NAALADL2: variants seen among roughly 807,000 people sequenced by gnomAD.
The protein encoded by NAALADL2 is inactive N-acetylated-alpha-linked acidic dipeptidase-like protein 2.
A neutral mutation model predicts 87.2 loss-of-function variants in NAALADL2; 76 were observed. The observed-to-expected ratio is 0.87, with a 90% confidence interval of 0.72 to 1.05. The LOEUF is 1.05. Among genes scored for constraint, NAALADL2 ranks in the 50% least tolerant of loss-of-function variants. The pLI, the probability that NAALADL2 is intolerant of heterozygous loss-of-function variation, is 0.00. For synonymous variants in NAALADL2, 354 were observed against 331.0 expected (o/e 1.07, Z -0.75); for missense variants, 1,089 against 945.8 (o/e 1.15, Z -1.99).
intron 10 of NAALADL2, among the ~76,000 whole-genome samples, chr3:175,591,819 T>G (rs970515793): frequency 9.5e-6 from 1 of 105,140 alleles, no homozygotes; most frequent in African/African-American, 3.1e-5. Flanking sequence ...TATATATATA[T>G]ATATATATGT....
At chr3:175,071,638 G>C (rs1190099314) in intron 1 of NAALADL2, among the ~76,000 whole-genome samples, 2 of 152,000 alleles carry the variant, frequency 1.3e-5, no homozygotes, top group Admixed American at 1.3e-4. Context: ...CAATTAATTG[G>C]TTGTATCAGT....
intron 1 of NAALADL2, among the ~76,000 whole-genome samples, chr3:175,033,969 C>A (rs936290874): frequency 2.6e-5 from 4 of 152,142 alleles, no homozygotes; most frequent in Admixed American, 1.3e-4. Context: ...ACGTATGAAG[C>A]CTCACCACTG....
intron 5 of NAALADL2, among the ~76,000 whole-genome samples, chr3:175,417,015 T>G (rs1056480924): frequency 6.6e-6 from 1 of 151,282 alleles, no homozygotes; most frequent in Non-Finnish European, 1.5e-5. Flanking sequence ...ACTAAGCAAT[T>G]GTTTATGATA....
At chr3:174,994,940 A>G (rs1008794296) in intron 1 of NAALADL2, among the ~76,000 whole-genome samples, 2 of 152,186 alleles carry the variant, frequency 1.3e-5, no homozygotes, top group Non-Finnish European at 2.9e-5. Flanking sequence ...AGCACGATAT[A>G]AAAGTTGTTT....
At chr3:175,506,287 C>T (rs1299370813) in intron 9 of NAALADL2, among the ~76,000 whole-genome samples, 3 of 152,220 alleles carry the variant, frequency 2.0e-5, no homozygotes, top group Non-Finnish European at 4.4e-5. Context: ...TTGCACTACA[C>T]ATGCATCATC....
At chr3:174,621,103 T>C (rs1005514979) in intron 2 of NAALADL2, among the ~76,000 whole-genome samples, 3 of 152,070 alleles carry the variant, frequency 2.0e-5, no homozygotes, top group African/African-American at 7.2e-5. Context: ...ACTGTAAATC[T>C]GAGGGAGAGA....
chr3:174,853,423 A>G (rs1257388538), intron 3 of NAALADL2, among the ~76,000 whole-genome samples: 1 of 151,198 alleles, frequency 6.6e-6, no homozygotes, highest in Non-Finnish European at 1.5e-5. Flanking sequence ...ACCTTAAACC[A>G]TGAAATTGCA....
chr3:174,646,704 G>T (rs1723821397), intron 2 of NAALADL2, among the ~76,000 whole-genome samples: 1 of 151,930 alleles, frequency 6.6e-6, no homozygotes, highest in Admixed American at 6.5e-5. Context: ...AAAATTAATT[G>T]TCTTTAAAAT....
chr3:175,032,686 C>G (rs984674758), intron 1 of NAALADL2, among the ~76,000 whole-genome samples: 1 of 151,896 alleles, frequency 6.6e-6, no homozygotes, highest in Non-Finnish European at 1.5e-5. Context: ...AAAGGTTTTC[C>G]TGACTACAAA....
chr3:175,546,618 G>T (rs1048513199), intron 9 of NAALADL2, among the ~76,000 whole-genome samples: 1 of 152,020 alleles, frequency 6.6e-6, no homozygotes, highest in Non-Finnish European at 1.5e-5. Context: ...TGTTTGAAAA[G>T]GATCTTATTT....
At chr3:175,457,503 T>C (rs1722493419) in intron 6 of NAALADL2, among the ~76,000 whole-genome samples, 1 of 152,124 alleles carries the variant, frequency 6.6e-6, no homozygotes, top group Non-Finnish European at 1.5e-5. Flanking sequence ...TCTATGATGA[T>C]GCCAATGGTG....
intron 2 of NAALADL2, among the ~76,000 whole-genome samples, chr3:174,694,064 G>T (rs984881013): frequency 1.3e-5 from 2 of 152,062 alleles, no homozygotes; most frequent in African/African-American, 4.8e-5. Flanking sequence ...CTGCAAATTG[G>T]TTATCTTTGC....
chr3:175,736,164 A>G (rs1056707175), intron 11 of NAALADL2, among the ~76,000 whole-genome samples: 1 of 152,192 alleles, frequency 6.6e-6, no homozygotes, highest in African/African-American at 2.4e-5. Flanking sequence ...TGTTCAGCCT[A>G]TTAAGCAGAT....
At chr3:174,867,478 A>G (rs1038798514) in intron 1 of NAALADL2, among the ~76,000 whole-genome samples, 3 of 151,918 alleles carry the variant, frequency 2.0e-5, no homozygotes, top group Non-Finnish European at 1.5e-5. Context: ...TTTATTGTCT[A>G]TTTCACTGCA....
At chr3:174,923,411 G>C (rs1030631552) in intron 1 of NAALADL2, among the ~76,000 whole-genome samples, 9 of 151,750 alleles carry the variant, frequency 5.9e-5, no homozygotes, top group Non-Finnish European at 1.2e-4. Flanking sequence ...TATGGAGAAG[G>C]GACAGTATTC....
chr3:175,562,846 T>C (rs1358876144), intron 9 of NAALADL2, among the ~76,000 whole-genome samples: 1 of 152,056 alleles, frequency 6.6e-6, no homozygotes, highest in Non-Finnish European at 1.5e-5. Context: ...GAATATAATA[T>C]TGGAAAGATT....
In NAALADL2 at chr3:174,847,193, A is replaced by G. The variant is rs145003094; in HGVS notation, c.-9+109447A>G. Among the ~76,000 whole-genome samples the G allele has an allele frequency of 3.5e-3, 538 of 152,292 alleles. 2 individuals are homozygous for G. The highest frequency in any genetic ancestry group is 0.017 in the Middle Eastern group (5 of 294). Reference sequence around the variant, plus strand: ...TAATTTATCTCTACCCATATTTCTTATATGTGTATACCTTTCCCCTACTTT... The same window carrying G: ...TAATTTATCTCTACCCATATTTCTTGTATGTGTATACCTTTCCCCTACTTT... On this transcript the variant is annotated intron_variant, in intron 3 of 3. Transcript: ENST00000434257.
At chr3:174,703,550 G>A (rs2108889603) in intron 2 of NAALADL2, among the ~76,000 whole-genome samples, 1 of 152,178 alleles carries the variant, frequency 6.6e-6, no homozygotes, top group Admixed American at 6.5e-5. Flanking sequence ...TCTTATTTCA[G>A]ATCATAGATG....
At chr3:175,370,171 C>T (rs899229946) in intron 5 of NAALADL2, among the ~76,000 whole-genome samples, 3 of 152,124 alleles carry the variant, frequency 2.0e-5, no homozygotes, top group Non-Finnish European at 4.4e-5. Flanking sequence ...GAAAAAAAGA[C>T]GTTTTATCTT....
Sources: allele counts gnomAD v4.1 joint callset (sites outside exome capture counted in the v4.1 genomes callset), GRCh38; gene constraint gnomAD v4.1.1; transcripts MANE v1.5; gene names NCBI Gene and HGNC (gene_info 2026-07-23, HGNC 2026-07-21).